The following TIAM2 variants were observed in gnomAD, a reference collection of about 807,000 sequenced individuals.
The protein encoded by TIAM2 is rho guanine nucleotide exchange factor TIAM2.
A neutral mutation model predicts 152.9 loss-of-function variants in TIAM2; 80 were observed. The ratio of observed to expected loss-of-function variants is 0.52; its 90% CI spans 0.44 to 0.63. The LOEUF (loss-of-function observed/expected upper bound fraction) is 0.63, where lower values mean the gene tolerates loss of function less well. Among genes scored for constraint, TIAM2 ranks in the 30% least tolerant of loss-of-function variants. The pLI is 0.00. For synonymous variants in TIAM2, 804 were observed against 838.0 expected, an observed-to-expected ratio of 0.96 and a Z score of 0.70; for missense variants, 1,965 against 2,120.1, an observed-to-expected ratio of 0.93 and a Z score of 1.44.
Position 155,206,183 on chromosome 6 carries a change from G to A in TIAM2, c.3065-5021G>A, listed in dbSNP as rs544691161. Among the ~76,000 whole-genome samples the A allele has an allele frequency of 4.6e-5, 7 of 152,290 alleles. No individual in the cohort carries two copies. The East Asian group carries it at 7.7e-4, about 17-fold the overall frequency. ...GTCTGTAAGGAGCTATAGGCTGTGC[G>A]GAAGTGTAGGGAGGCAGGCATTTTC... On this transcript the variant is annotated intron_variant, in intron 14 of 26. Transcript: ENST00000682666.
At chr6:155,145,006 C>G (rs1247509032) in intron 6 of TIAM2, among the ~76,000 whole-genome samples, 1 of 152,152 alleles carries the variant, frequency 6.6e-6, no homozygotes, top group Non-Finnish European at 1.5e-5. Context: ...AAGTCCCAGG[C>G]TGTGGCCCAT....
intron 2 of TIAM2, among the ~76,000 whole-genome samples, chr6:155,090,814 T>A (rs1778286394): frequency 6.6e-6 from 1 of 152,122 alleles, no homozygotes; most frequent in African/African-American, 2.4e-5. Context: ...TAAGATCAGG[T>A]AAGCTCAGGG....
At chr6:155,046,349 T>G (rs1026809713) in intron 1 of TIAM2, among the ~76,000 whole-genome samples, 1 of 145,510 alleles carries the variant, frequency 6.9e-6, no homozygotes, top group Non-Finnish European at 1.5e-5. Context: ...TTTTTTTTTT[T>G]TTTTTGAGAT....
chr6:155,073,307 C>T (rs935651797), intron 1 of TIAM2, among the ~76,000 whole-genome samples: 5 of 151,466 alleles, frequency 3.3e-5, no homozygotes, highest in African/African-American at 1.2e-4. Context: ...GGATTACAGG[C>T]GTGTGCCACC....
chr6:155,069,559 T>C (rs1280846192), intron 1 of TIAM2, among the ~76,000 whole-genome samples: 1 of 152,182 alleles, frequency 6.6e-6, no homozygotes, highest in Non-Finnish European at 1.5e-5. Flanking sequence ...ATCATCTGTA[T>C]CTGTTTGAAG....
rs888920448 is a variant in TIAM2, at chr6:155,006,698, G to GA, written c.-209+11216dup. Among the ~76,000 whole-genome samples, 189 of 125,110 alleles carry GA rather than the reference G, an allele frequency of 1.5e-3. 1 individual carries two copies. Among genetic ancestry groups the GA allele is most frequent in the African/African-American group, 4.3e-3 (146 of 34,284 alleles). The allele number at this position is 125,110 out of a possible 152,430, so 82.1% of individuals were successfully genotyped here. A position where few individuals can be genotyped will look rare whatever the true frequency, so the allele number is the denominator to read the frequency against. On this transcript the variant is annotated intron_variant, in intron 1 of 26. Transcript: ENST00000682666. Reference sequence around the variant, plus strand: ...TCCCCCCACCAAAAAAAAAAAAAAAGAAAAAAAAAAGACACAGTGTTACTC... The same window carrying GA: ...TCCCCCCACCAAAAAAAAAAAAAAAGAAAAAAAAAAAGACACAGTGTTACTC...
chr6:155,109,461 T>C (rs1465458352), intron 2 of TIAM2, among the ~76,000 whole-genome samples: 2 of 152,156 alleles, frequency 1.3e-5, no homozygotes, highest in Non-Finnish European at 2.9e-5. Context: ...TAGAAAGAAA[T>C]AGCAGCAGTA....
intron 1 of TIAM2, among the ~76,000 whole-genome samples, chr6:155,051,857 C>G (rs1295550357): frequency 1.3e-5 from 2 of 152,102 alleles, no homozygotes; most frequent in African/African-American, 4.8e-5. Flanking sequence ...CCAGGATGGT[C>G]TCGAACTCGT....
intron 2 of TIAM2, among the ~76,000 whole-genome samples, chr6:155,120,074 T>C (rs9371365): frequency 0.43 from 65,320 of 152,124 alleles, 15,911 homozygotes; most frequent in East Asian, 0.66. Flanking sequence ...GGTGTGAGTG[T>C]GGAGATCCTC....
At chr6:155,077,407 T>C (rs1777984915) in intron 1 of TIAM2, among the ~76,000 whole-genome samples, 1 of 152,202 alleles carries the variant, frequency 6.6e-6, no homozygotes, top group Non-Finnish European at 1.5e-5. Flanking sequence ...CCAAGTCTCA[T>C]TGTGCTGCCT....
rs577978953 is a variant in TIAM2 at position 155,093,767 on chromosome 6, G to A, written c.-118+3388G>A. Among the ~76,000 whole-genome samples, 6 of 152,246 alleles carry A rather than the reference G, an allele frequency of 3.9e-5. No homozygotes were observed. The East Asian group carries it at 5.8e-4, about 15-fold the overall frequency. ...GGAAGGCAGACTACATGGCCTCTGC[G>A]GCCCTTTTCAATGCTTGTATGTCAG... is the stretch of plus-strand genomic sequence containing the variant. On this transcript the variant is annotated intron_variant, in intron 2 of 26. Transcript: ENST00000682666.
chr6:155,234,191 G>A (rs1782621874), intron 15 of TIAM2, among the ~76,000 whole-genome samples: 1 of 152,172 alleles, frequency 6.6e-6, no homozygotes, highest in South Asian at 2.1e-4. Context: ...AAACCAATCT[G>A]AGGCCCCCAT....
rs186700062 is a variant in TIAM2 at position 154,996,400 on chromosome 6, G to A, written c.-209+908G>A. On this transcript the variant is annotated intron_variant, in intron 1 of 26. Transcript: ENST00000682666. ...TTTCTCTGCAGAATTCAGGCAAGAG[G>A]CCACTTGGTGACACTCCTCAGCCTC... is the stretch of plus-strand genomic sequence containing the variant. Among the ~76,000 whole-genome samples, 325 of 152,264 alleles carry A rather than the reference G, an allele frequency of 2.1e-3. 1 individual carries two copies. Among genetic ancestry groups the A allele is most frequent in the South Asian group, 2.5e-3 (12 of 4,818 alleles).
chr6:155,255,589 T>C (rs1283231239), intron 26 of TIAM2: 1 of 151,026 alleles, frequency 6.6e-6, no homozygotes, highest in Non-Finnish European at 1.5e-5. Flanking sequence ...AGAACTCCCT[T>C]CCTTCTTTCA....
intron 1 of TIAM2, among the ~76,000 whole-genome samples, chr6:155,051,019 G>A (rs1178770735): frequency 6.6e-6 from 1 of 152,116 alleles, no homozygotes; most frequent in African/African-American, 2.4e-5. Flanking sequence ...AATAATTAAA[G>A]TGTTTGACAC....
intron 2 of TIAM2, among the ~76,000 whole-genome samples, chr6:155,095,319 G>T (rs144249766): frequency 3.5e-4 from 54 of 152,306 alleles, no homozygotes; most frequent in Non-Finnish European, 6.3e-4. Context: ...ACAGAATCTG[G>T]CTTTGTTTTG....
intron 9 of TIAM2, among the ~76,000 whole-genome samples, 175 bp downstream of exon 9, chr6:155,165,584 G>C (rs1468921435): frequency 6.6e-6 from 1 of 152,180 alleles, no homozygotes; most frequent in African/African-American, 2.4e-5. Flanking sequence ...AGGGCCACCT[G>C]AGCCCAGGAC....
At chr6:155,105,150 G>A (rs992795087) in intron 2 of TIAM2, among the ~76,000 whole-genome samples, 2 of 151,854 alleles carry the variant, frequency 1.3e-5, no homozygotes, top group Non-Finnish European at 2.9e-5. Flanking sequence ...TAGAGATGGG[G>A]TTTCACCGTG....
intron 24 of TIAM2, 45 bp from the exon 25 acceptor site, chr6:155,253,928 T>C (rs748781433): frequency 9.2e-6 from 14 of 1,515,446 alleles, no homozygotes; most frequent in Admixed American, 3.6e-5. Context: ...ACCACAGCAT[T>C]TTGGGCAAAG....
Sources: allele counts gnomAD v4.1 joint callset (sites outside exome capture counted in the v4.1 genomes callset), GRCh38; gene constraint gnomAD v4.1.1; transcripts MANE v1.5; gene names NCBI Gene and HGNC (gene_info 2026-07-23, HGNC 2026-07-21).